The following STIL variants were observed in gnomAD, a reference collection of about 807,000 sequenced individuals.
STIL encodes STIL centriolar assembly protein, also known as SCL-interrupting locus protein.
A neutral mutation model predicts 110.1 loss-of-function variants in STIL; 55 were observed. The observed-to-expected ratio is 0.50, with a 90% CI of 0.40 to 0.63. The LOEUF (loss-of-function observed/expected upper bound fraction) is 0.63, where lower values mean the gene tolerates loss of function less well. STIL is among the 20% of genes least tolerant of loss of function. The pLI is 0.00. For synonymous variants in STIL, 481 were observed against 530.0 expected, an observed-to-expected ratio of 0.91 and a Z score of 1.27; for missense variants, 1,358 against 1,530.0, an observed-to-expected ratio of 0.89 and a Z score of 1.87.
upstream of STIL, chr1:47,314,267 T>A (rs1185037742): frequency 1.3e-5 from 2 of 152,280 alleles, no homozygotes; most frequent in African/African-American, 2.4e-5. Context: ...CGCCGTTACG[T>A]ATTGGTGTGC....
chr1:47,288,572 G>A (rs529318737), intron 9 of STIL, among the ~76,000 whole-genome samples: 19 of 151,888 alleles, frequency 1.3e-4, no homozygotes, highest in African/African-American at 3.9e-4. Flanking sequence ...GCTGGGATTC[G>A]AGGTGTGAGC....
intron 16 of STIL, among the ~76,000 whole-genome samples, chr1:47,254,180 C>CAAAAAAAA (rs59259774): frequency 1.6e-4 from 10 of 61,426 alleles, no homozygotes; most frequent in Admixed American, 8.5e-4. Context: ...GACTCTGTCT[C>CAAAAAAAA]AAAAAAAAAA....
rs573176975 is a variant in STIL at position 47,285,047 on chromosome 1, AG to A, written c.1133+2503del. On this transcript the variant is annotated intron_variant, in intron 10 of 16. Transcript: ENST00000371877. ...TTTTTTTTTTTTTTTTCTTTGAGAC[AG>A]GGTCTCATTTTATCACCCAGGCTGC... 1.0e-4 allele frequency among the ~76,000 whole-genome samples: 14 copies of A among 135,582 alleles called. No homozygotes were observed. In the South Asian group the frequency reaches 3.2e-3, roughly 31 times the overall value. 88.9% of individuals were successfully genotyped at this position (135,582 alleles called of 152,430 possible).
intron 9 of STIL, 30 bp downstream of exon 9, chr1:47,289,405 A>C (rs1413484338): frequency 6.2e-7 from 1 of 1,606,506 alleles, no homozygotes; most frequent in Non-Finnish European, 8.5e-7. Context: ...CTAAACAGTC[A>C]CTAATGTACT....
intron 2 of STIL, chr1:47,305,272 T>C: frequency 6.0e-6 from 2 of 332,194 alleles, no homozygotes; most frequent in South Asian, 6.8e-5. Context: ...ATTACAGGAG[T>C]GCACCACCAC....
intron 16 of STIL, among the ~76,000 whole-genome samples, chr1:47,255,675 G>A (rs922152618): frequency 1.3e-5 from 2 of 151,970 alleles, no homozygotes; most frequent in African/African-American, 2.4e-5. Flanking sequence ...AGGTAAAGAA[G>A]CAACTAGAGA....
chr1:47,311,546 A>G (rs957984976), intron 1 of STIL, among the ~76,000 whole-genome samples: 1 of 150,358 alleles, frequency 6.7e-6, no homozygotes, highest in African/African-American at 2.4e-5. Flanking sequence ...CTTTGCCTCA[A>G]AAAGTGCTGG....
chr1:47,305,377 G>A (rs537900656), intron 2 of STIL: 15 of 199,004 alleles, frequency 7.5e-5, no homozygotes, highest in Non-Finnish European at 1.3e-4. Context: ...CACCTGCCTC[G>A]GCCTCCCAAA....
intron 5 of STIL, among the ~76,000 whole-genome samples, chr1:47,300,544 C>T (rs1206520364): frequency 1.3e-5 from 2 of 151,876 alleles, no homozygotes; most frequent in Non-Finnish European, 2.9e-5. Context: ...TCTCAGCTCA[C>T]CACAAACTCC....
chr1:47,271,558 CAAAA>C (rs35926663), intron 13 of STIL, among the ~76,000 whole-genome samples: 2 of 85,618 alleles, frequency 2.3e-5, no homozygotes, highest in South Asian at 3.7e-4. Context: ...GACTCCGTCT[CAAAA>C]AAAAAAAAAA....
At chr1:47,284,388 C>T (rs1645234416) in intron 10 of STIL, among the ~76,000 whole-genome samples, 1 of 152,130 alleles carries the variant, frequency 6.6e-6, no homozygotes, top group African/African-American at 2.4e-5. Context: ...CCGGGTTTCA[C>T]TCTATTACTT....
intron 3 of STIL, among the ~76,000 whole-genome samples, chr1:47,303,908 A>G (rs1645877901): frequency 6.6e-6 from 1 of 152,172 alleles, no homozygotes; most frequent in South Asian, 2.1e-4. Context: ...ATACTGCTAC[A>G]TTGCTCTAAG....
At chr1:47,287,454 T>A in intron 10 of STIL, 97 bp downstream of exon 10, 1 of 788,154 alleles carries the variant, frequency 1.3e-6, no homozygotes, top group Non-Finnish European at 2.0e-6. Context: ...ATTTAAAAAA[T>A]CATTTCATCA....
intron 10 of STIL, 30 bp downstream of exon 10, chr1:47,287,521 C>T (rs1557749080): frequency 7.1e-7 from 1 of 1,407,758 alleles, no homozygotes; most frequent in South Asian, 1.3e-5. Context: ...TTTAAAAAAA[C>T]ACACACATAA....
chr1:47,269,518 C>A, intron 14 of STIL, 117 bp downstream of exon 14: 1 of 732,592 alleles, frequency 1.4e-6, no homozygotes. Context: ...TTAATCATTC[C>A]ATACTGTAAA....
intron 8 of STIL, among the ~76,000 whole-genome samples, chr1:47,289,882 G>A (rs967000447): frequency 1.4e-5 from 2 of 144,780 alleles, no homozygotes; most frequent in Admixed American, 7.2e-5. Context: ...AGCTTGTAAT[G>A]AGCCAAGATC....
In STIL at chr1:47,263,112, A is replaced by G; in HGVS notation, c.2620T>C (p.Ser874Pro). The G allele has an allele frequency of 6.2e-7, 1 of 1,613,912 alleles. No individual in the cohort carries two copies. Among genetic ancestry groups the G allele is most frequent in the Non-Finnish European group, 8.5e-7 (1 of 1,179,838 alleles). ...GGTTCTTTTCTCACAACTAGAGAAG[A>G]GCTGCTGGGAAGGATATATAATGTG... The part of the protein sequence containing the change: ...FNQPLSVSNS[S>P]SLVVRKEPDV... Residue 874 changes from serine to proline, a missense_variant, in exon 15 of 17, where the codon TCT becomes CCT. Ser to Pro is a moderately conservative substitution (Grantham distance 74). Transcript: ENST00000371877.
chr1:47,291,340 G>A (rs978101357), intron 8 of STIL, among the ~76,000 whole-genome samples: 6 of 151,190 alleles, frequency 4.0e-5, no homozygotes, highest in African/African-American at 7.3e-5. Flanking sequence ...CAGCCTGGGC[G>A]ACAGAGCAAG....
At chr1:47,308,267 G>A (rs1047003896) in intron 2 of STIL, among the ~76,000 whole-genome samples, 14 of 151,940 alleles carry the variant, frequency 9.2e-5, no homozygotes, top group Admixed American at 7.9e-4. Context: ...TGTCTCCCCC[G>A]GAAGCCCAGC....
Sources: gnomAD v4.1 joint callset for allele counts (sites outside exome capture counted in the v4.1 genomes callset) on GRCh38, gnomAD v4.1.1 for gene constraint, MANE v1.5 for transcripts, NCBI Gene and HGNC (gene_info 2026-07-23, HGNC 2026-07-21) for gene names.